Variants in MYO15A observed in about 807,000 individuals in gnomAD.
The protein encoded by MYO15A is unconventional myosin-XV.
MYO15A carries 308 observed loss-of-function variants against 394.6 expected under a neutral mutation model. That is an observed-to-expected ratio of 0.78 (90% CI 0.71 to 0.86). MYO15A has a LOEUF of 0.86. Ranked by LOEUF, MYO15A falls within the 40% of genes least tolerant of loss-of-function variation. The probability of loss-of-function intolerance (pLI) is 0.00; values close to 1 mark genes in which losing one functional copy is unlikely to be tolerated. For missense variants in MYO15A, 4,606 were observed against 4,799.1 expected, an observed-to-expected ratio of 0.96 and a Z score of 1.19; for synonymous variants, 1,957 against 2,003.8, an observed-to-expected ratio of 0.98 and a Z score of 0.62.
intron 62 of MYO15A, among the ~76,000 whole-genome samples, chr17:18,170,224 C>A (rs141828034): frequency 4.1e-4 from 63 of 152,192 alleles, no homozygotes; most frequent in Non-Finnish European, 6.3e-4. Flanking sequence ...ACCCCCTCGA[C>A]CACACTTTGA....
At position 18,119,797 on chromosome 17, in the gene MYO15A, G is replaced by C. The variant is rs772104371; in HGVS notation, c.997G>C (p.Glu333Gln). Residue 333 changes from glutamate (E) to glutamine (Q), a missense_variant, in exon 2 of 66, where the codon GAG becomes CAG. Glu to Gln is a conservative substitution (Grantham distance 29). Transcript: ENST00000647165. ...TCCTTACAGCTACCACGATGGGTAC[G>C]AGGGCGAGGCGCACCCTTATGGCTA... ...SSPYSYHDGY[E>Q]GEAHPYGYYL... 1.9e-6 allele frequency: 3 copies of C among 1,612,974 alleles called. No homozygotes were observed. The highest frequency in any genetic ancestry group is 2.5e-6 in the Non-Finnish European group (3 of 1,179,988).
intron 56 of MYO15A, among the ~76,000 whole-genome samples, chr17:18,160,588 A>C (rs902372220): frequency 6.6e-6 from 1 of 152,200 alleles, no homozygotes; most frequent in African/African-American, 2.4e-5. Context: ...TGAACCAACT[A>C]TGCCTATCCC....
intron 65 of MYO15A, chr17:18,176,630 C>G (rs1298544083): frequency 6.8e-6 from 1 of 148,000 alleles, no homozygotes; most frequent in East Asian, 2.0e-4. Context: ...TCTGCTTCCC[C>G]AGTTCAAGTG....
chr17:18,143,644 A>G, intron 26 of MYO15A, 25 bp downstream of exon 26: 1 of 1,566,524 alleles, frequency 6.4e-7, no homozygotes. Context: ...GGGTGGCAGC[A>G]GGGCCAAGGA....
intron 47 of MYO15A, 146 bp downstream of exon 47, chr17:18,155,578 T>C: frequency 2.5e-6 from 2 of 793,510 alleles, no homozygotes; most frequent in Non-Finnish European, 4.2e-6. Flanking sequence ...ATTTTAGAGC[T>C]GGGGAAACTG....
In MYO15A at chr17:18,119,909, A is replaced by T. The variant is rs762458793; in HGVS notation, c.1109A>T (p.Asp370Val). The change falls in exon 2 of 66, where the codon GAT becomes GTT. Residue 370 changes from aspartate (D) to valine (V), a missense_variant. Physicochemically the swap from Asp to Val is radical, Grantham distance 152. Around this residue, in one of 2 missense-constraint regions of MYO15A, gnomAD observed 1,830 missense variants for 1,689.7 expected, o/e 1.08. Coordinates refer to ENST00000647165, the MANE Select transcript of MYO15A (RefSeq NM_016239.4). ...YHTPYDVPYFDPYGVHYTVPY... is the reference protein window; with the variant it reads ...YHTPYDVPYFVPYGVHYTVPY... The stretch of plus-strand genomic sequence containing the variant: ...ACTCCCTACGATGTACCCTACTTTG[A>T]TCCCTACGGAGTCCACTACACCGTC... 1 of 1,613,192 alleles carries T rather than the reference A, an allele frequency of 6.2e-7. No homozygotes were observed. Among genetic ancestry groups the T allele is most frequent in the African/African-American group, 1.3e-5 (1 of 74,866 alleles).
chr17:18,159,515 C>T, intron 54 of MYO15A, 91 bp from the exon 55 acceptor site: 1 of 1,516,632 alleles, frequency 6.6e-7, no homozygotes, highest in South Asian at 1.1e-5. Flanking sequence ...GTGGCCAAGG[C>T]TCCCAGGGAG....
rs762749198 is a variant in MYO15A, at chr17:18,163,769, T to G, written c.9718T>G (p.Cys3240Gly). 18 of 1,613,966 alleles carry G rather than the reference T, an allele frequency of 1.1e-5. No homozygotes were observed. The highest frequency in any genetic ancestry group is 2.2e-5 in the East Asian group (1 of 44,866). ...TVALDVVEEI[C>G]AEMALTRPEA... ...GGCCCTGGACGTGGTGGAAGAGATATGTGCTGAGATGGCTCTGACACGCCC... is the reference window on the plus strand; with the variant it reads ...GGCCCTGGACGTGGTGGAAGAGATAGGTGCTGAGATGGCTCTGACACGCCC... The change falls in exon 60 of 66, where the codon TGT (cysteine) becomes GGT (glycine). Residue 3240 changes from cysteine (C) to glycine (G), a missense_variant. Cys to Gly is a radical substitution (Grantham distance 159). Around this residue, in one of 2 missense-constraint regions of MYO15A, gnomAD observed 2,776 missense variants for 3,109.3 expected, o/e 0.89. Transcript: ENST00000647165.
At chr17:18,154,864 G>A in intron 45 of MYO15A, 109 bp downstream of exon 45, 4 of 1,271,052 alleles carry the variant, frequency 3.1e-6, no homozygotes, top group South Asian at 1.2e-5. Flanking sequence ...CCATCTCCCA[G>A]ACATGTGCCT....
At position 18,121,599 on chromosome 17, in the gene MYO15A, GC is replaced by G; in HGVS notation, c.2801del (p.Pro934LeufsTer52). Reference protein sequence around the residue: ...PLAPSWDVDMPPTQRPPSPWP... With the variant: ...PLAPSWDVDMXPTQRPPSPWP... ...TGGCCCCCAGCTGGGACGTGGACAT[GC>G]CTCCCACCCAACGCCCACCCTCCCC... On this transcript the variant is annotated frameshift_variant, in exon 2 of 66. Coordinates refer to ENST00000647165, the MANE Select transcript of MYO15A (RefSeq NM_016239.4). LOFTEE classifies it high-confidence loss of function. This position sits in a 1 kb window ranked among gnomAD's most constrained non-coding sequence, Gnocchi z 5.3. The G allele has an allele frequency of 6.3e-7, 1 of 1,599,192 alleles. No homozygotes were observed.
In MYO15A at chr17:18,121,290, TG is replaced by T; in HGVS notation, c.2493del (p.Arg832AlafsTer31). ...QESPAPRRAA[G>X]RLGPPGSPLP... The stretch of plus-strand genomic sequence containing the variant: ...AGTCCCCAGCCCCACGCCGAGCCGC[TG>T]GGCGCCTGGGCCCACCCGGCTCGCC... On this transcript the variant is annotated frameshift_variant, in exon 2 of 66. Transcript: ENST00000647165. LOFTEE classifies it high-confidence loss of function. This position sits in a 1 kb window ranked among gnomAD's most constrained non-coding sequence, Gnocchi z 5.3. 2 of 1,334,396 alleles carry T rather than the reference TG, an allele frequency of 1.5e-6. No homozygotes were observed. The highest frequency in any genetic ancestry group is 1.9e-6 in the Non-Finnish European group (2 of 1,048,140). 82.7% of individuals were successfully genotyped at this position (1,334,396 alleles called of 1,614,324 possible).
intron 24 of MYO15A, 61 bp downstream of exon 24, chr17:18,142,315 G>A (rs1012373509): frequency 1.6e-5 from 25 of 1,564,118 alleles, no homozygotes; most frequent in Admixed American, 1.1e-4. Context: ...GAGAGGTCAC[G>A]CCTGAACTTA....
At chr17:18,110,969 T>C (rs1324323482) in intron 1 of MYO15A, among the ~76,000 whole-genome samples, 1 of 152,232 alleles carries the variant, frequency 6.6e-6, no homozygotes, top group African/African-American at 2.4e-5. Flanking sequence ...TTCCTGGACC[T>C]CCAGTGCAGT....
chr17:18,125,371 A>T, intron 4 of MYO15A, 140 bp downstream of exon 4: 1 of 843,674 alleles, frequency 1.2e-6, no homozygotes, highest in Non-Finnish European at 2.0e-6. Flanking sequence ...TAGAACTAAA[A>T]TCTGAAGTCT....
chr17:18,143,639 G>A lies in MYO15A; in HGVS notation c.5964+20G>A. The A allele has an allele frequency of 6.4e-7, 1 of 1,567,822 alleles. No homozygotes were observed. The highest frequency in any genetic ancestry group is 8.7e-7 in the Non-Finnish European group (1 of 1,155,976). ...CAGGAGGTGGGTGTGGGTCTGGGTG[G>A]CAGCAGGGCCAAGGAGGGAGGCTGG... On this transcript the variant is annotated intron_variant, in intron 26 of 65. Coordinates refer to ENST00000647165, the MANE Select transcript of MYO15A (RefSeq NM_016239.4).
intron 18 of MYO15A, chr17:18,139,144 C>A: frequency 1.4e-6 from 1 of 708,654 alleles, no homozygotes; most frequent in South Asian, 1.7e-5. Flanking sequence ...TAGTGCCCAA[C>A]TCATGGGGCA....
chr17:18,158,063 G>A (rs998601685), intron 51 of MYO15A, among the ~76,000 whole-genome samples, 163 bp downstream of exon 51: 1 of 152,172 alleles, frequency 6.6e-6, no homozygotes, highest in African/African-American at 2.4e-5. Flanking sequence ...AGAGTGAGCC[G>A]CAGGTGAGAC....
chr17:18,121,065 C>G lies in MYO15A; in HGVS notation c.2265C>G (p.Phe755Leu). 6.6e-7 allele frequency: 1 copy of G among 1,506,908 alleles called. No homozygotes were observed. The highest frequency in any genetic ancestry group is 1.4e-5 in the African/African-American group (1 of 69,622). The allele number at this position is 1,506,908 out of a possible 1,614,324, so 93.3% of individuals were successfully genotyped here. A position where few individuals can be genotyped will look rare whatever the true frequency, so the allele number is the denominator to read the frequency against. The stretch of plus-strand genomic sequence containing the variant: ...GCTCCCGCCGGAGAGGGGCGGCTTT[C>G]GGCTTCCCCGGGGCCTCTCCACGGG... The part of the protein sequence containing the change: ...FRGSRRRGAA[F>L]GFPGASPRAS... Residue 755 changes from phenylalanine to leucine, a missense_variant, in exon 2 of 66, where the codon TTC (phenylalanine) becomes TTG (leucine). Physicochemically the swap from Phe to Leu is conservative, Grantham distance 22. This residue lies in a region of MYO15A where 1,830 missense variants were observed against 1,689.7 expected (regional missense o/e 1.08). Coordinates refer to ENST00000647165, the MANE Select transcript of MYO15A (RefSeq NM_016239.4). The surrounding 1 kb of genome is among the most constrained non-coding windows in gnomAD (Gnocchi z 5.3).
In MYO15A at chr17:18,152,183, A is replaced by G. The variant is rs946758155; in HGVS notation, c.7965A>G (p.Ser2655=). 6 of 1,497,166 alleles carry G rather than the reference A, an allele frequency of 4.0e-6. No individual in the cohort carries two copies. The highest frequency in any genetic ancestry group is 4.5e-6 in the Non-Finnish European group (5 of 1,109,868). 92.7% of individuals were successfully genotyped at this position (1,497,166 alleles called of 1,614,324 possible). The change falls in exon 42 of 66, where the codon TCA becomes TCG. Residue 2655 remains serine, a splice_region_variant and synonymous_variant. Transcript: ENST00000647165. ...SAPRPSMAPT[S]ALPSRSLEPP... is the part of the protein sequence containing the mutation. ...CAAGGCCATCCATGGCACCCACTTC[A>G]GGTGAGAGGGCCAGGAGGGAGGGAG...
Sources: gnomAD v4.1 joint callset for allele counts (sites outside exome capture counted in the v4.1 genomes callset) on GRCh38, gnomAD v4.1.1 for gene constraint, gnomAD v4.1.1 regional missense constraint, Gnocchi (gnomAD v3.1) non-coding constraint, MANE v1.5 for transcripts, NCBI Gene and HGNC (gene_info 2026-07-23, HGNC 2026-07-21) for gene names.